Variants in GPHN observed in about 807,000 individuals in gnomAD.
GPHN encodes gephyrin.
In GPHN, 17 loss-of-function variants were observed where a neutral mutation model predicts 95.5. That is an observed-to-expected ratio of 0.18 (90% confidence interval 0.12 to 0.27). The LOEUF (loss-of-function observed/expected upper bound fraction) is 0.27, where lower values mean the gene tolerates loss of function less well. GPHN is among the 10% of genes least tolerant of loss of function. The probability of loss-of-function intolerance (pLI) is 1.00; values close to 1 mark genes in which losing one functional copy is unlikely to be tolerated. For missense variants in GPHN, 660 were observed against 978.1 expected (o/e 0.67, Z 4.34); for synonymous variants, 320 against 322.5 (o/e 0.99, Z 0.08).
At chr14:66,606,404 A>G (rs1595199233) in intron 1 of GPHN, among the ~76,000 whole-genome samples, 1 of 152,126 alleles carries the variant, frequency 6.6e-6, no homozygotes, top group South Asian at 2.1e-4. Flanking sequence ...GCCTTATAGT[A>G]TAGTTTGAAG....
At chr14:67,651,136 A>G in the GPHN span, 2 of 903,888 alleles carry the variant, frequency 2.2e-6, no homozygotes, top group South Asian at 1.8e-5. Context: ...AATATGCTAC[A>G]GTACTATGTA....
downstream of GPHN, among the ~76,000 whole-genome samples, chr14:67,186,122 T>C (rs1187270489): frequency 6.6e-6 from 1 of 152,070 alleles, no homozygotes; most frequent in African/African-American, 2.4e-5. Flanking sequence ...TTTGAAATAA[T>C]TCATTTTATT....
chr14:67,590,242 C>T, the GPHN span: 2 of 1,087,004 alleles, frequency 1.8e-6, no homozygotes, highest in Non-Finnish European at 2.5e-6. Flanking sequence ...GCTGCATCCA[C>T]TTGCAAATTT....
At chr14:67,380,501 T>A in the GPHN span, among the ~76,000 whole-genome samples, 2 of 152,096 alleles carry the variant, frequency 1.3e-5, no homozygotes, top group East Asian at 1.9e-4. Context: ...AGTGCAAAGC[T>A]AAGATTTGAA....
At chr14:67,104,549 G>A (rs1396204182) in intron 13 of GPHN, among the ~76,000 whole-genome samples, 1 of 151,478 alleles carries the variant, frequency 6.6e-6, no homozygotes, top group Non-Finnish European at 1.5e-5. Context: ...TGATTGATCT[G>A]TTCAGGTTTT....
the GPHN span, among the ~76,000 whole-genome samples, chr14:67,190,709 T>C: frequency 6.6e-6 from 1 of 152,206 alleles, no homozygotes; most frequent in South Asian, 2.1e-4. Flanking sequence ...GGATATCATT[T>C]TCAAGAGATA....
intron 10 of GPHN, among the ~76,000 whole-genome samples, chr14:67,056,820 G>T (rs1399109237): frequency 6.6e-6 from 1 of 151,560 alleles, no homozygotes; most frequent in African/African-American, 2.4e-5. Flanking sequence ...GTGGGGGGGG[G>T]TCACTCAGGC....
chr14:67,569,808 T>C, the GPHN span: 9 of 713,324 alleles, frequency 1.3e-5, no homozygotes, highest in Admixed American at 2.1e-5. Context: ...CCTCTTGAGA[T>C]CTGTCACTGG....
chr14:66,702,703 A>G (rs1454631604), intron 2 of GPHN, among the ~76,000 whole-genome samples: 1 of 152,226 alleles, frequency 6.6e-6, no homozygotes, highest in Non-Finnish European at 1.5e-5. Context: ...ATGAGAAAGA[A>G]TCAATGAAAA....
chr14:67,399,910 T>C, the GPHN span, among the ~76,000 whole-genome samples: 1 of 152,186 alleles, frequency 6.6e-6, no homozygotes, highest in Non-Finnish European at 1.5e-5. Context: ...AAAAGCACCT[T>C]CCTGGGATAT....
the GPHN span, chr14:67,653,553 T>C: frequency 9.5e-5 from 141 of 1,487,542 alleles, no homozygotes; most frequent in Middle Eastern, 1.7e-4. Context: ...CTCTGTACAA[T>C]TGAATATCCC....
intron 1 of GPHN, among the ~76,000 whole-genome samples, chr14:66,510,479 T>G (rs1186090738): frequency 1.3e-5 from 2 of 152,256 alleles, no homozygotes; most frequent in East Asian, 3.8e-4. Context: ...GATGCAGCCC[T>G]TATCTGGTGT....
chr14:67,100,787 A>G, intron 12 of GPHN, 69 bp from the exon 13 acceptor site: 3 of 1,030,430 alleles, frequency 2.9e-6, no homozygotes, highest in African/African-American at 1.6e-5. Context: ...TAGAATTCCA[A>G]TTTTAGGTTC....
intron 8 of GPHN, among the ~76,000 whole-genome samples, chr14:66,961,099 C>A (rs1243851895): frequency 3.3e-5 from 5 of 152,058 alleles, no homozygotes; most frequent in East Asian, 1.9e-4. Context: ...CACAAAAAAA[C>A]CACAATTCTT....
rs1374020610 is a variant in GPHN at position 67,158,348 on chromosome 14, G to A, written c.1837-1067G>A. ...AAAAGATACTTTTTCCTAAAAACCA[G>A]CAACTTATTAAAGTATTATATAGTC... On this transcript the variant is annotated intron_variant, in intron 18 of 22. Coordinates refer to ENST00000478722, the MANE Select transcript of GPHN (RefSeq NM_020806.5). Among the ~76,000 whole-genome samples the A allele has an allele frequency of 3.3e-5, 5 of 150,142 alleles. No individual in the cohort carries two copies. The South Asian group carries it at 1.1e-3, about 32-fold the overall frequency.
At chr14:66,643,329 T>C (rs1450156446) in intron 1 of GPHN, among the ~76,000 whole-genome samples, 1 of 151,912 alleles carries the variant, frequency 6.6e-6, no homozygotes, top group Non-Finnish European at 1.5e-5. Flanking sequence ...AAACTGGGAG[T>C]GTTTACTAAA....
the GPHN span, among the ~76,000 whole-genome samples, chr14:67,437,059 A>C: frequency 6.6e-6 from 1 of 152,190 alleles, no homozygotes; most frequent in Non-Finnish European, 1.5e-5. Context: ...CTGTCTCAAA[A>C]AAACAAACAA....
At chr14:66,781,223 C>CTT (rs764447609) in intron 3 of GPHN, among the ~76,000 whole-genome samples, 4 of 141,794 alleles carry the variant, frequency 2.8e-5, no homozygotes, top group African/African-American at 1.0e-4. Flanking sequence ...TGACTTCTTT[C>CTT]TTTTTTTTTT....
the GPHN span, chr14:67,301,282 A>G: frequency 1.9e-6 from 1 of 525,650 alleles, no homozygotes; most frequent in Middle Eastern, 5.2e-4. Context: ...ATTTCTTACA[A>G]GTATTTTTAT....
Sources: allele counts gnomAD v4.1 joint callset (sites outside exome capture counted in the v4.1 genomes callset), GRCh38; gene constraint gnomAD v4.1.1; transcripts MANE v1.5; gene names NCBI Gene and HGNC (gene_info 2026-07-23, HGNC 2026-07-21).